EYA4: variants seen among roughly 807,000 people sequenced by gnomAD.
EYA4 encodes the protein EYA transcriptional coactivator and phosphatase 4, also known as protein phosphatase EYA4.
Under a neutral mutation model 87.9 loss-of-function variants are expected in EYA4, and 31 were observed. The observed-to-expected ratio is 0.35, with a 90% CI of 0.27 to 0.48. EYA4 has a LOEUF of 0.48. Ranked by LOEUF, EYA4 falls within the 20% of genes least tolerant of loss-of-function variation. The pLI is 0.99. For synonymous variants in EYA4, 263 were observed against 270.6 expected (o/e 0.97, Z 0.28); for missense variants, 678 against 761.4 (o/e 0.89, Z 1.29).
intron 2 of EYA4, among the ~76,000 whole-genome samples, chr6:133,311,319 T>G (rs563668796): frequency 4.3e-4 from 65 of 152,138 alleles, no homozygotes; most frequent in African/African-American, 1.5e-3. Flanking sequence ...TTAATTTAAT[T>G]TTTATTTGTT....
At chr6:133,476,190 A>T (rs73544969) in intron 11 of EYA4, among the ~76,000 whole-genome samples, 3 of 152,062 alleles carry the variant, frequency 2.0e-5, no homozygotes, top group Non-Finnish European at 4.4e-5. Context: ...ATACATTTAT[A>T]TTGTGAAATG....
chr6:133,293,916 C>T (rs755480733), intron 2 of EYA4, among the ~76,000 whole-genome samples: 1 of 150,228 alleles, frequency 6.7e-6, no homozygotes, highest in Non-Finnish European at 1.5e-5. Context: ...CAAGCCACTG[C>T]ACTCCATCCT....
At chr6:133,486,784 CAA>C (rs1796721687) in intron 13 of EYA4, among the ~76,000 whole-genome samples, 1 of 152,038 alleles carries the variant, frequency 6.6e-6, no homozygotes, top group Non-Finnish European at 1.5e-5. Flanking sequence ...AGGTTGTAAA[CAA>C]GAGAAAGAAT....
intron 3 of EYA4, among the ~76,000 whole-genome samples, chr6:133,396,569 C>T (rs1372618518): frequency 6.6e-6 from 1 of 152,182 alleles, no homozygotes; most frequent in African/African-American, 2.4e-5. Context: ...CTGACATTTA[C>T]ATATTCTTAA....
intron 3 of EYA4, among the ~76,000 whole-genome samples, chr6:133,437,874 G>A (rs1791852082): frequency 6.6e-6 from 1 of 152,168 alleles, no homozygotes; most frequent in African/African-American, 2.4e-5. Flanking sequence ...TCTCTCCCTT[G>A]ACATGTGGGG....
intron 11 of EYA4, among the ~76,000 whole-genome samples, chr6:133,480,953 A>AATGGGAGAGGTGGAAGGGAAG (rs1328292489): frequency 1.1e-3 from 144 of 132,512 alleles, no homozygotes; most frequent in South Asian, 1.9e-3. Context: ...TGGAAGGGAA[A>AATGGGAGAGGTGGAAGGGAAG]ATGGGAGAGG....
chr6:133,410,631 C>T (rs1361804919), intron 3 of EYA4, among the ~76,000 whole-genome samples: 86 of 145,054 alleles, frequency 5.9e-4, no homozygotes, highest in Non-Finnish European at 1.2e-3. Context: ...GAACTAAGGT[C>T]TTAATTCCTT....
chr6:133,328,393 T>C (rs1275709336), intron 2 of EYA4, among the ~76,000 whole-genome samples: 2 of 152,122 alleles, frequency 1.3e-5, no homozygotes, highest in Non-Finnish European at 2.9e-5. Flanking sequence ...ACCCTTCTCT[T>C]TATTGTGGGG....
At chr6:133,517,739 G>A (rs1158590184) in intron 17 of EYA4, among the ~76,000 whole-genome samples, 1 of 152,270 alleles carries the variant, frequency 6.6e-6, no homozygotes, top group Non-Finnish European at 1.5e-5. Flanking sequence ...TCCAGTGGGG[G>A]CTGTGGCAGG....
chr6:133,241,522 T>TTCC lies in EYA4; in HGVS notation c.-286_-284dup, dbSNP rs1277651952. On this transcript the variant is annotated 5_prime_UTR_variant, in exon 1 of 20. Transcript: ENST00000355286. ...AGTCCGGAGTTTTGGCTCCTCTCCTTTCCTCCTCCCCCTCGGAGCCGGCTT... is the reference window on the plus strand; with the variant it reads ...AGTCCGGAGTTTTGGCTCCTCTCCTTTCCTCCTCCTCCCCCTCGGAGCCGGCTT... The TTCC allele has an allele frequency of 2.4e-4, 36 of 152,290 alleles. No individual in the cohort carries two copies. The highest frequency in any genetic ancestry group is 8.2e-4 in the African/African-American group (34 of 41,534). 9.4% of individuals were successfully genotyped at this position (152,290 alleles called of 1,614,324 possible).
intron 11 of EYA4, among the ~76,000 whole-genome samples, chr6:133,478,824 C>G (rs965977974): frequency 3.9e-5 from 6 of 152,148 alleles, no homozygotes; most frequent in Admixed American, 2.6e-4. Context: ...TCTTTTCACC[C>G]CTTTGCTGTG....
intron 3 of EYA4, among the ~76,000 whole-genome samples, chr6:133,409,619 G>A (rs1242870849): frequency 6.6e-6 from 1 of 152,048 alleles, no homozygotes; most frequent in Non-Finnish European, 1.5e-5. Flanking sequence ...ATCTCTATAT[G>A]TGGAATCTAA....
intron 11 of EYA4, 133 bp from the exon 12 acceptor site, chr6:133,481,330 G>A: frequency 1.2e-6 from 1 of 837,092 alleles, no homozygotes; most frequent in Admixed American, 1.9e-5. Flanking sequence ...GTGTGTGCTT[G>A]GGATTATAAA....
intron 1 of EYA4, among the ~76,000 whole-genome samples, chr6:133,244,873 G>A (rs1774279167): frequency 6.6e-6 from 1 of 152,032 alleles, no homozygotes; most frequent in Non-Finnish European, 1.5e-5. Flanking sequence ...TAGAAAGATA[G>A]AATGACAGAA....
intron 3 of EYA4, among the ~76,000 whole-genome samples, chr6:133,393,757 A>G (rs1475702693): frequency 1.3e-5 from 2 of 152,228 alleles, no homozygotes; most frequent in African/African-American, 4.8e-5. Flanking sequence ...CTCTTTTGTC[A>G]CTGCTACAAG....
chr6:133,319,952 A>G (rs1467382175), intron 2 of EYA4, among the ~76,000 whole-genome samples: 1 of 151,784 alleles, frequency 6.6e-6, no homozygotes, highest in African/African-American at 2.4e-5. Flanking sequence ...GGCTCAAGCA[A>G]TCCACCCACC....
intron 14 of EYA4, among the ~76,000 whole-genome samples, chr6:133,509,400 T>TA (rs150944930): frequency 0.018 from 2,545 of 139,698 alleles, 25 homozygotes; most frequent in Non-Finnish European, 0.022. Flanking sequence ...GTGCTTTTCT[T>TA]AAAAAAAAAA....
chr6:133,493,441 A>C (rs11962716), intron 13 of EYA4, among the ~76,000 whole-genome samples: 14,231 of 152,202 alleles, frequency 0.094, 1,318 homozygotes, highest in African/African-American at 0.22. Flanking sequence ...TACAAAAATC[A>C]AATCAAAATG....
intron 2 of EYA4, among the ~76,000 whole-genome samples, chr6:133,347,950 G>C (rs1278950808): frequency 6.6e-6 from 1 of 152,152 alleles, no homozygotes; most frequent in African/African-American, 2.4e-5. Flanking sequence ...CGTATGATAT[G>C]GTGGTGTTTA....
Sources: gnomAD v4.1 joint callset for allele counts (sites outside exome capture counted in the v4.1 genomes callset) on GRCh38, gnomAD v4.1.1 for gene constraint, MANE v1.5 for transcripts, NCBI Gene and HGNC (gene_info 2026-07-23, HGNC 2026-07-21) for gene names.